GAL: variants seen among roughly 807,000 people sequenced by gnomAD.
GAL encodes galanin and GMAP prepropeptide.
A neutral mutation model predicts 15.8 loss-of-function variants in GAL; 14 were observed. That is an observed-to-expected ratio of 0.89 (90% CI 0.59 to 1.39). The LOEUF is 1.39. GAL is among the 40% of genes most tolerant of loss of function. The pLI, the probability that GAL is intolerant of heterozygous loss-of-function variation, is 0.00. For missense variants in GAL, 176 were observed against 170.4 expected (o/e 1.03, Z -0.18); for synonymous variants, 79 against 73.8 (o/e 1.07, Z -0.36).
chr11:68,684,602 C>T lies in GAL; in HGVS notation c.-131C>T, dbSNP rs1299385149. On this transcript the variant is annotated 5_prime_UTR_variant, in exon 1 of 6. Coordinates refer to ENST00000265643, the MANE Select transcript of GAL (RefSeq NM_015973.5). ...CCGCGCCTTCTGCCCCTGCTGCCGG[C>T]CGCGCCATGCGGTGAGCGCCCCAGG... The T allele has an allele frequency of 8.2e-6, 2 of 242,996 alleles. No homozygotes were observed. The highest frequency in any genetic ancestry group is 7.9e-6 in the Non-Finnish European group (1 of 127,174). 15.1% of individuals were successfully genotyped at this position (242,996 alleles called of 1,614,324 possible).
At chr11:68,686,628 G>C (rs1383335883) in intron 3 of GAL, among the ~76,000 whole-genome samples, 1 of 152,202 alleles carries the variant, frequency 6.6e-6, no homozygotes, top group East Asian at 1.9e-4. Context: ...CAGACACGGG[G>C]ATGACAGAGC....
At chr11:68,686,654 G>A (rs1009903766) in intron 3 of GAL, among the ~76,000 whole-genome samples, 5 of 152,180 alleles carry the variant, frequency 3.3e-5, no homozygotes, top group Non-Finnish European at 2.9e-5. Flanking sequence ...GAGGCCGCGT[G>A]CGGATCGGTC....
At chr11:68,688,159 A>T (rs1275635899) in intron 4 of GAL, 59 bp downstream of exon 4, 1 of 1,034,440 alleles carries the variant, frequency 9.7e-7, no homozygotes, top group Non-Finnish European at 1.5e-6. Context: ...TCCCAGGTGC[A>T]TGCAGGGGAC....
intron 5 of GAL, among the ~76,000 whole-genome samples, chr11:68,689,289 G>A (rs1945883915): frequency 2.0e-5 from 3 of 152,158 alleles, no homozygotes; most frequent in East Asian, 1.9e-4. Flanking sequence ...TTTGTGAACC[G>A]TCCTAAACCT....
intron 5 of GAL, among the ~76,000 whole-genome samples, chr11:68,690,049 G>A (rs1165146061): frequency 6.6e-6 from 1 of 151,502 alleles, no homozygotes; most frequent in Non-Finnish European, 1.5e-5. Flanking sequence ...ACCTTCACCT[G>A]GTGCTCTGAG....
intron 4 of GAL, 74 bp from the exon 5 acceptor site, chr11:68,688,775 G>A (rs1441504184): frequency 2.6e-6 from 2 of 774,164 alleles, no homozygotes; most frequent in African/African-American, 1.7e-5. Flanking sequence ...CAGCTCCTCT[G>A]TAGGGAGGGG....
intron 5 of GAL, among the ~76,000 whole-genome samples, chr11:68,689,596 C>A (rs1341057079): frequency 6.6e-6 from 1 of 152,188 alleles, no homozygotes; most frequent in Non-Finnish European, 1.5e-5. Flanking sequence ...TGGGGTTCAT[C>A]ATGTTGGCCA....
chr11:68,687,572 A>T (rs1945865452), intron 3 of GAL, among the ~76,000 whole-genome samples: 1 of 151,954 alleles, frequency 6.6e-6, no homozygotes, highest in Non-Finnish European at 1.5e-5. Context: ...TAAAAATCAG[A>T]TTCAGTCACA....
In GAL at chr11:68,689,036, A is replaced by G. The variant is rs1945881417; in HGVS notation, c.301+110A>G. On this transcript the variant is annotated intron_variant, in intron 5 of 5. Transcript: ENST00000265643. ...CCCCCTGGGAAGTAGCCGATTACTTATCTACGTACAAAGTCCTGTTTGGCT... is the reference window on the plus strand; with the variant it reads ...CCCCCTGGGAAGTAGCCGATTACTTGTCTACGTACAAAGTCCTGTTTGGCT... 4 of 663,942 alleles carry G rather than the reference A, an allele frequency of 6.0e-6. No individual in the cohort carries two copies. In the South Asian group the frequency reaches 6.5e-5, roughly 11 times the overall value. The allele number at this position is 663,942 out of a possible 1,614,324, so 41.1% of individuals were successfully genotyped here.
Position 68,684,675 on chromosome 11 carries a change from G to C in GAL, c.-58G>C. On this transcript the variant is annotated 5_prime_UTR_variant, in exon 1 of 6. Coordinates refer to ENST00000265643, the MANE Select transcript of GAL (RefSeq NM_015973.5). ...GCCCGACGCCCGGACCTGCCGCCCAGACCCGCCACCGCACCCGGACCCCGA... is the reference window on the plus strand; with the variant it reads ...GCCCGACGCCCGGACCTGCCGCCCACACCCGCCACCGCACCCGGACCCCGA... The C allele has an allele frequency of 2.6e-6, 1 of 381,758 alleles. No individual in the cohort carries two copies. The highest frequency in any genetic ancestry group is 4.7e-6 in the Non-Finnish European group (1 of 214,744). 23.6% of individuals were successfully genotyped at this position (381,758 alleles called of 1,614,324 possible). A position where few individuals can be genotyped will look rare whatever the true frequency, so the allele number is the denominator to read the frequency against.
chr11:68,686,900 A>T (rs545921811), intron 3 of GAL, among the ~76,000 whole-genome samples: 1 of 152,222 alleles, frequency 6.6e-6, no homozygotes, highest in Non-Finnish European at 1.5e-5. Flanking sequence ...TCTATTTGTC[A>T]AGAAGAGTTT....
intron 5 of GAL, among the ~76,000 whole-genome samples, chr11:68,689,341 CT>C (rs1945884443): frequency 6.6e-6 from 1 of 152,010 alleles, no homozygotes; most frequent in South Asian, 2.1e-4. Context: ...TCTCTTCTCT[CT>C]TTTCTTTCTT....
rs1028711295 is a variant in GAL at position 68,684,643 on chromosome 11, C to T, written c.-90C>T. On this transcript the variant is annotated 5_prime_UTR_variant, in exon 1 of 6. Transcript: ENST00000265643. Reference sequence around the variant, plus strand: ...GCGCCCCAGGCCGCCAGAGCCCACCCGACCCGGCCCGACGCCCGGACCTGC... The same window carrying T: ...GCGCCCCAGGCCGCCAGAGCCCACCTGACCCGGCCCGACGCCCGGACCTGC... The T allele has an allele frequency of 1.5e-5, 5 of 322,950 alleles. No homozygotes were observed. The highest frequency in any genetic ancestry group is 2.8e-4 in the South Asian group (2 of 7,256). The allele number at this position is 322,950 out of a possible 1,614,324, so 20.0% of individuals were successfully genotyped here. A position where few individuals can be genotyped will look rare whatever the true frequency, so the allele number is the denominator to read the frequency against.
chr11:68,689,205 AC>A (rs1945883142), intron 5 of GAL, among the ~76,000 whole-genome samples: 1 of 152,162 alleles, frequency 6.6e-6, no homozygotes, highest in African/African-American at 2.4e-5. Context: ...AGCTCATTCT[AC>A]TGGAACCATA....
In GAL at chr11:68,691,065, T is replaced by C; in HGVS notation, c.*78T>C. ...GATAATGGATAATCTTCGGCCAATT[T>C]ATGCAGAGTCAGCCATTCCTGTTCT... On this transcript the variant is annotated 3_prime_UTR_variant, in exon 6 of 6. Coordinates refer to ENST00000265643, the MANE Select transcript of GAL (RefSeq NM_015973.5). The C allele has an allele frequency of 2.3e-6, 2 of 885,034 alleles. No individual in the cohort carries two copies. The highest frequency in any genetic ancestry group is 3.4e-5 in the Admixed American group (2 of 58,300). 54.8% of individuals were successfully genotyped at this position (885,034 alleles called of 1,614,324 possible). A position where few individuals can be genotyped will look rare whatever the true frequency, so the allele number is the denominator to read the frequency against.
chr11:68,685,382 T>C (rs555438948), intron 2 of GAL, among the ~76,000 whole-genome samples: 18 of 152,380 alleles, frequency 1.2e-4, no homozygotes, highest in African/African-American at 4.1e-4. Flanking sequence ...GTGCGCGGGC[T>C]CAGGCCCTCA....
Position 68,688,864 on chromosome 11 carries a change from C to T in GAL, c.239C>T (p.Ser80Phe). 1 of 1,552,544 alleles carries T rather than the reference C, an allele frequency of 6.4e-7. No homozygotes were observed. Among genetic ancestry groups the T allele is most frequent in the Non-Finnish European group, 8.9e-7 (1 of 1,123,980 alleles). Residue 80 changes from serine (S) to phenylalanine (F), a missense_variant, in exon 5 of 6, where the codon TCC (serine) becomes TTC (phenylalanine). Physicochemically the swap from Ser to Phe is radical, Grantham distance 155. Coordinates refer to ENST00000265643, the MANE Select transcript of GAL (RefSeq NM_015973.5). Reference sequence around the variant, plus strand: ...TCTCTTCTAGGAAGCTTTGACAGGTCCATACCTGAAAACAATATCATGCGC... The same window carrying T: ...TCTCTTCTAGGAAGCTTTGACAGGTTCATACCTGAAAACAATATCATGCGC... ...DDMKPGSFDR[S>F]IPENNIMRTI...
Position 68,685,011 on chromosome 11 carries a change from G to T in GAL, c.81+7G>T. On this transcript the variant is annotated splice_region_variant and intron_variant, in intron 2 of 5. Transcript: ENST00000265643. ...TGCGGGGCTCTGGTCGCCGGTAAGT[G>T]CGGGGCGCGTCTCCTCCGAGCGAAG... The T allele has an allele frequency of 6.3e-7, 1 of 1,577,274 alleles. No homozygotes were observed.
intron 4 of GAL, 26 bp downstream of exon 4, chr11:68,688,126 CG>C: frequency 7.0e-7 from 1 of 1,431,114 alleles, no homozygotes; most frequent in Non-Finnish European, 9.9e-7. Context: ...TCCCGGGCCC[CG>C]GGGCACCTCA....
Sources: allele counts gnomAD v4.1 joint callset (sites outside exome capture counted in the v4.1 genomes callset), GRCh38; gene constraint gnomAD v4.1.1; transcripts MANE v1.5; gene names NCBI Gene and HGNC (gene_info 2026-07-23, HGNC 2026-07-21).